Variants in MROH2A observed in about 807,000 individuals in gnomAD.
MROH2A encodes maestro heat like repeat family member 2A, also known as maestro heat-like repeat-containing protein family member 2A.
In MROH2A, 174 loss-of-function variants were observed where a neutral mutation model predicts 200.4. The observed-to-expected ratio is 0.87, with a 90% CI of 0.77 to 0.98. The LOEUF (loss-of-function observed/expected upper bound fraction) is 0.98, where lower values mean the gene tolerates loss of function less well. MROH2A is among the 50% of genes least tolerant of loss of function. The pLI, the probability that MROH2A is intolerant of heterozygous loss-of-function variation, is 0.00. For missense variants in MROH2A, 2,045 were observed against 2,139.6 expected, an observed-to-expected ratio of 0.96 and a Z score of 0.87; for synonymous variants, 829 against 840.4, an observed-to-expected ratio of 0.99 and a Z score of 0.23.
rs1704479286 is a variant in MROH2A, at chr2:233,828,573, T to G, written c.4114-57T>G. The G allele has an allele frequency of 3.9e-6, 6 of 1,533,042 alleles. No individual in the cohort carries two copies. Among genetic ancestry groups the G allele is most frequent in the Non-Finnish European group, 5.3e-6 (6 of 1,135,012 alleles). 95.0% of individuals were successfully genotyped at this position (1,533,042 alleles called of 1,614,324 possible). A position where few individuals can be genotyped will look rare whatever the true frequency, so the allele number is the denominator to read the frequency against. On this transcript the variant is annotated intron_variant, in intron 35 of 41. Coordinates refer to ENST00000389758, the MANE Select transcript of MROH2A (RefSeq NM_001394639.1). This position sits in a 1 kb window ranked among gnomAD's most constrained non-coding sequence, Gnocchi z 4.6. ...ATTACCTCTCCTCCCACGTCCCACC[T>G]TGCTGCTGAGAAATGAGCCCGCCCT...
At chr2:233,797,992 A>G (rs1702223677) in intron 11 of MROH2A, among the ~76,000 whole-genome samples, 1 of 152,120 alleles carries the variant, frequency 6.6e-6, no homozygotes, top group Non-Finnish European at 1.5e-5. Context: ...AAAACTCTCA[A>G]TTGTCTCATG....
intron 35 of MROH2A, 112 bp downstream of exon 35, chr2:233,823,776 C>T (rs892070127): frequency 1.0e-5 from 14 of 1,356,712 alleles, no homozygotes; most frequent in East Asian, 7.6e-5. Context: ...GACAGGCGAG[C>T]GCCCCTCCTC....
chr2:233,809,131 C>A lies in MROH2A; in HGVS notation c.2301C>A (p.Asp767Glu). Residue 767 changes from aspartate (D) to glutamate (E), a missense_variant, in exon 22 of 42, where the codon GAC becomes GAA. Asp to Glu is a conservative substitution (Grantham distance 45). Around this residue, in one of 3 missense-constraint regions of MROH2A, gnomAD observed 1,201 missense variants for 1,311.3 expected, o/e 0.92. Coordinates refer to ENST00000389758, the MANE Select transcript of MROH2A (RefSeq NM_001394639.1). Reference protein sequence around the residue: ...QSWQISAWRKDHPWRRETVKS... With the variant: ...QSWQISAWRKEHPWRRETVKS... ...TTTTCTCTTTGGCCTCGTAGAAGGA[C>A]CATCCCTGGAGGCGGGAGACAGTGA... The A allele has an allele frequency of 1.3e-6, 2 of 1,548,818 alleles. No individual in the cohort carries two copies. The highest frequency in any genetic ancestry group is 1.7e-6 in the Non-Finnish European group (2 of 1,145,552).
rs932061701 is a variant in MROH2A, at chr2:233,796,285, T to A, written c.1224T>A (p.Asn408Lys). 2.0e-6 allele frequency: 3 copies of A among 1,528,830 alleles called. No individual in the cohort carries two copies. The highest frequency in any genetic ancestry group is 2.6e-6 in the Non-Finnish European group (3 of 1,137,360). 94.7% of individuals were successfully genotyped at this position (1,528,830 alleles called of 1,614,324 possible). The change falls in exon 11 of 42, where the codon AAT becomes AAA. Residue 408 changes from asparagine to lysine, a missense_variant. Around this residue, in one of 3 missense-constraint regions of MROH2A, gnomAD observed 831 missense variants for 800.0 expected, o/e 1.04. Coordinates refer to ENST00000389758, the MANE Select transcript of MROH2A (RefSeq NM_001394639.1). ...NKEAVRVGTL[N>K]LIRAIVSADE... ...AGGCCGTCCGCGTGGGGACTCTGAA[T>A]CTGATTAGGGCTATAGTGAGCGCAG...
At chr2:233,818,799 C>A in intron 29 of MROH2A, 29 bp downstream of exon 29, 1 of 1,427,812 alleles carries the variant, frequency 7.0e-7, no homozygotes, top group Non-Finnish European at 9.6e-7. Flanking sequence ...GCCTGGGCTG[C>A]CAGGCTGGTC....
At chr2:233,790,102 C>A in intron 5 of MROH2A, 88 bp downstream of exon 5, 1 of 1,217,398 alleles carries the variant, frequency 8.2e-7, no homozygotes. Flanking sequence ...CTATGTTCAC[C>A]TCTTCCTCTT....
At chr2:233,819,243 G>C (rs1466911348) in intron 29 of MROH2A, 74 bp from the exon 30 acceptor site, 72 of 1,430,838 alleles carry the variant, frequency 5.0e-5, no homozygotes, top group Non-Finnish European at 6.6e-5. Context: ...CATGGGGTGG[G>C]ACAGGGGAGG....
At chr2:233,832,688 A>G in intron 41 of MROH2A, 44 bp downstream of exon 41, 1 of 1,311,310 alleles carries the variant, frequency 7.6e-7, no homozygotes. Context: ...CGACTCACCA[A>G]CTCACTAGGG....
At position 233,798,861 on chromosome 2, in the gene MROH2A, A is replaced by G. The variant is rs547870550; in HGVS notation, c.1329+11A>G. On this transcript the variant is annotated intron_variant, in intron 12 of 41. Coordinates refer to ENST00000389758, the MANE Select transcript of MROH2A (RefSeq NM_001394639.1). ...GATACCCGGTCCAAGGTAACAGGGC[A>G]GAGACCTGGAAATGGGGGGCACTCA... is the stretch of plus-strand genomic sequence containing the variant. 2.5e-4 allele frequency: 389 copies of G among 1,548,738 alleles called. No individual in the cohort carries two copies. The African/African-American group carries it at 4.9e-3, about 19-fold the overall frequency.
intron 3 of MROH2A, among the ~76,000 whole-genome samples, chr2:233,780,754 TC>T (rs1183067265): frequency 6.6e-6 from 1 of 152,208 alleles, no homozygotes; most frequent in African/African-American, 2.4e-5. Flanking sequence ...AACTGTTTCT[TC>T]TAGTTTTTTG....
chr2:233,793,680 G>A lies in MROH2A; in HGVS notation c.678G>A (p.Glu226=). Residue 226 remains glutamate, a synonymous_variant, in exon 7 of 42, where the codon GAG becomes GAA. Transcript: ENST00000389758. The part of the protein sequence containing the change: ...KIRQAICSAM[E]TFCETVQFYL... ...CCCTGTTGCTGTTGGTAGCCATGGAGACCTTCTGTGAGACGGTGCAGTTTT... is the reference window on the plus strand; with the variant it reads ...CCCTGTTGCTGTTGGTAGCCATGGAAACCTTCTGTGAGACGGTGCAGTTTT... The A allele has an allele frequency of 1.4e-6, 2 of 1,405,964 alleles. No homozygotes were observed. The highest frequency in any genetic ancestry group is 1.7e-5 in the South Asian group (1 of 59,246). 87.1% of individuals were successfully genotyped at this position (1,405,964 alleles called of 1,614,324 possible). A position where few individuals can be genotyped will look rare whatever the true frequency, so the allele number is the denominator to read the frequency against.
chr2:233,797,272 G>C (rs998050605), intron 11 of MROH2A, among the ~76,000 whole-genome samples: 1 of 152,144 alleles, frequency 6.6e-6, no homozygotes, highest in Admixed American at 6.5e-5. Context: ...AATTGGATAC[G>C]GACCAACATT....
At chr2:233,812,899 A>C (rs1703262481) in intron 24 of MROH2A, among the ~76,000 whole-genome samples, 1 of 152,128 alleles carries the variant, frequency 6.6e-6, no homozygotes. Flanking sequence ...TTCCTAGGAG[A>C]GTGTAATACA....
At chr2:233,778,935 G>C (rs189638692) in intron 1 of MROH2A, among the ~76,000 whole-genome samples, 48 of 152,298 alleles carry the variant, frequency 3.2e-4, no homozygotes, top group African/African-American at 1.1e-3. Context: ...CCTTTCTGGA[G>C]TTCAGCTTCC....
At chr2:233,818,884 C>T (rs1202751292) in intron 29 of MROH2A, 114 bp downstream of exon 29, 1 of 659,988 alleles carries the variant, frequency 1.5e-6, no homozygotes, top group Non-Finnish European at 2.6e-6. Flanking sequence ...TCTGGGGTCT[C>T]AGCTTCCACG....
intron 12 of MROH2A, 101 bp downstream of exon 12, chr2:233,798,951 A>G (rs1575943864): frequency 4.2e-6 from 4 of 960,036 alleles, no homozygotes; most frequent in Admixed American, 4.1e-5. Flanking sequence ...TTGATGGAAA[A>G]CCCGGCTTTC....
rs1048232856 is a variant in MROH2A at position 233,820,997 on chromosome 2, C to G, written c.3512+941C>G. ...GGGGATGTGCGGTGCAGCCCTGGGT[C>G]AGGCTGGCGTACTTGGTGGCCACGT... is the stretch of plus-strand genomic sequence containing the variant. On this transcript the variant is annotated intron_variant, in intron 31 of 41. Coordinates refer to ENST00000389758, the MANE Select transcript of MROH2A (RefSeq NM_001394639.1). The surrounding 1 kb of genome is among the most constrained non-coding windows in gnomAD (Gnocchi z 4.1). 1.2e-4 allele frequency among the ~76,000 whole-genome samples: 19 copies of G among 152,160 alleles called. No individual in the cohort carries two copies. The highest frequency in any genetic ancestry group is 4.1e-4 in the African/African-American group (17 of 41,434).
chr2:233,828,734 G>T lies in MROH2A; in HGVS notation c.4218G>T (p.Leu1406=), dbSNP rs72970235. 9.7e-5 allele frequency: 151 copies of T among 1,550,548 alleles called. No individual in the cohort carries two copies. Among genetic ancestry groups the T allele is most frequent in the Middle Eastern group, 5.0e-4 (3 of 5,990 alleles). Reference sequence around the variant, plus strand: ...AGGAAGACGAGGCCCTGCGGGTGCTGTCCCTGCGCGCCCTCGGCAACATGG... The same window carrying T: ...AGGAAGACGAGGCCCTGCGGGTGCTTTCCCTGCGCGCCCTCGGCAACATGG... ...DQEEDEALRV[L]SLRALGNMAL... The change falls in exon 36 of 42, where the codon CTG becomes CTT. Residue 1406 remains leucine (L), a synonymous_variant. Transcript: ENST00000389758. This position sits in a 1 kb window ranked among gnomAD's most constrained non-coding sequence, Gnocchi z 4.6.
In MROH2A at chr2:233,779,692, AC is replaced by A; in HGVS notation, c.118del (p.Leu40PhefsTer28). The A allele has an allele frequency of 6.4e-7, 1 of 1,551,130 alleles. No individual in the cohort carries two copies. Among genetic ancestry groups the A allele is most frequent in the Non-Finnish European group, 8.7e-7 (1 of 1,147,106 alleles). On this transcript the variant is annotated frameshift_variant, in exon 3 of 42. Transcript: ENST00000389758. LOFTEE classifies it high-confidence loss of function. ...HDSGTFQQVVNLLDIIDSESA... is the reference protein window; with the variant it reads ...HDSGTFQQVVXLLDIIDSESA... Reference sequence around the variant, plus strand: ...ATAGGTACCTTTCAACAAGTCGTGAACCTTCTGGACATCATTGACAGCGAGT... The same window carrying A: ...ATAGGTACCTTTCAACAAGTCGTGAACTTCTGGACATCATTGACAGCGAGT...
Sources: gnomAD v4.1 joint callset for allele counts (sites outside exome capture counted in the v4.1 genomes callset) on GRCh38, gnomAD v4.1.1 for gene constraint, gnomAD v4.1.1 regional missense constraint, Gnocchi (gnomAD v3.1) non-coding constraint, MANE v1.5 for transcripts, NCBI Gene and HGNC (gene_info 2026-07-23, HGNC 2026-07-21) for gene names.